The following SS18 variants were observed in gnomAD, a reference collection of about 807,000 sequenced individuals.
The protein encoded by SS18 is SS18 subunit of BAF chromatin remodeling complex, also known as protein SSXT.
SS18 carries 28 observed loss-of-function variants against 72.5 expected under a neutral mutation model. The ratio of observed to expected loss-of-function variants is 0.39; its 90% CI spans 0.29 to 0.53. The LOEUF is 0.53. Ranked by LOEUF, SS18 falls within the 20% of genes least tolerant of loss-of-function variation. The pLI is 0.76. For synonymous variants in SS18, 172 were observed against 164.2 expected (o/e 1.05, Z -0.37); for missense variants, 518 against 535.3 (o/e 0.97, Z 0.32).
chr18:26,066,333 T>C (rs1168705330), intron 3 of SS18, among the ~76,000 whole-genome samples: 2 of 152,130 alleles, frequency 1.3e-5, no homozygotes, highest in African/African-American at 4.8e-5. Flanking sequence ...GGCAGTATCA[T>C]TCTGCCAACT....
chr18:26,034,219 T>A (rs2053590207), intron 9 of SS18, among the ~76,000 whole-genome samples: 1 of 152,156 alleles, frequency 6.6e-6, no homozygotes, highest in African/African-American at 2.4e-5. Context: ...AGAGCTTAAG[T>A]CAATGAATAA....
intron 10 of SS18, among the ~76,000 whole-genome samples, chr18:26,029,203 G>A (rs1353915667): frequency 6.6e-6 from 1 of 152,168 alleles, no homozygotes; most frequent in Non-Finnish European, 1.5e-5. Flanking sequence ...GGCAGCGAGT[G>A]GTTGGGATAT....
chr18:26,023,901 A>G (rs181561581), intron 10 of SS18, among the ~76,000 whole-genome samples: 15 of 150,664 alleles, frequency 1.0e-4, no homozygotes, highest in Admixed American at 5.9e-4. Context: ...AATAAATTCA[A>G]TACACTGTGG....
At chr18:26,046,504 C>T (rs1404172713) in intron 5 of SS18, among the ~76,000 whole-genome samples, 1 of 152,126 alleles carries the variant, frequency 6.6e-6, no homozygotes, top group African/African-American at 2.4e-5. Flanking sequence ...ACATTTTCAT[C>T]CTTTTCATCA....
At chr18:26,077,052 T>C (rs1461101020) in intron 3 of SS18, among the ~76,000 whole-genome samples, 3 of 151,920 alleles carry the variant, frequency 2.0e-5, no homozygotes, top group Non-Finnish European at 4.4e-5. Flanking sequence ...GCAAGAGGGA[T>C]TATAGAATTA....
chr18:26,080,242 A>T, intron 2 of SS18: 1 of 538,894 alleles, frequency 1.9e-6, no homozygotes, highest in Non-Finnish European at 2.4e-6. Context: ...CTTAAAATAT[A>T]GTGTTCCATA....
intron 5 of SS18, among the ~76,000 whole-genome samples, chr18:26,040,667 A>G (rs915564813): frequency 1.3e-5 from 2 of 152,182 alleles, no homozygotes; most frequent in East Asian, 3.8e-4. Context: ...AAGACTTCAC[A>G]TTTCCAATCA....
chr18:26,063,045 C>A (rs2054151340), intron 3 of SS18, among the ~76,000 whole-genome samples: 1 of 152,154 alleles, frequency 6.6e-6, no homozygotes, highest in African/African-American at 2.4e-5. Context: ...TTTACAGAAT[C>A]CAATAACTGT....
chr18:26,040,196 T>C (rs1022893691), intron 5 of SS18, among the ~76,000 whole-genome samples: 4 of 151,530 alleles, frequency 2.6e-5, no homozygotes, highest in Non-Finnish European at 5.9e-5. Context: ...AACTACAGAG[T>C]TTCCAAAGTG....
At position 26,016,846 on chromosome 18, in the gene SS18, A is replaced by G. The variant is rs1209478825; in HGVS notation, c.*1508T>C. The G allele has an allele frequency of 4.3e-6, 1 of 231,610 alleles. No individual in the cohort carries two copies. The highest frequency in any genetic ancestry group is 8.6e-6 in the Non-Finnish European group (1 of 116,756). The allele number at this position is 231,610 out of a possible 1,614,324, so 14.3% of individuals were successfully genotyped here. A position where few individuals can be genotyped will look rare whatever the true frequency, so the allele number is the denominator to read the frequency against. On this transcript the variant is annotated 3_prime_UTR_variant, in exon 11 of 11. Coordinates refer to ENST00000415083, the MANE Select transcript of SS18 (RefSeq NM_001007559.3). ...CCCACTGAAATTCCTCCTTTTGATT[A>G]CAGTATGTTGAGAACAGTATGTTCT...
intron 10 of SS18, among the ~76,000 whole-genome samples, chr18:26,023,953 C>T (rs1326951880): frequency 1.1e-4 from 17 of 151,752 alleles, no homozygotes; most frequent in Admixed American, 1.1e-3. Context: ...AACAATAACA[C>T]AAAGAGAAGA....
intron 7 of SS18, among the ~76,000 whole-genome samples, chr18:26,036,977 A>G (rs1231901720): frequency 1.3e-5 from 2 of 152,168 alleles, no homozygotes; most frequent in Non-Finnish European, 1.5e-5. Flanking sequence ...CACAAAGACT[A>G]AAGTATTTAT....
rs115330039 is a variant in SS18, at chr18:26,038,622, G to A, written c.813C>T (p.Tyr271=). The A allele has an allele frequency of 1.1e-4, 183 of 1,613,462 alleles. No individual in the cohort carries two copies. In the African/African-American group the frequency reaches 2.1e-3, roughly 19 times the overall value. ...GTCCACCATGACTGTATTGGTCCCC[G>A]TAATAGTCTTCCTGGCCTGAGTACT... ...PQQYSGQEDY[Y]GDQYSHGGQG... Residue 271 remains tyrosine, a synonymous_variant, in exon 7 of 11, where the codon TAC becomes TAT. Coordinates refer to ENST00000415083, the MANE Select transcript of SS18 (RefSeq NM_001007559.3).
chr18:26,032,469 T>A lies in SS18; in HGVS notation c.1160A>T (p.Tyr387Phe). ...PNYPQGQGQQ[Y>F]GGYRPTQPGP... The stretch of plus-strand genomic sequence containing the variant: ...AGGCTGTGTTGGTCTATATCCTCCA[T>A]ACTGCTGACCTTGTCCCTGTGGGTA... The change falls in exon 10 of 11, where the codon TAT becomes TTT. Residue 387 changes from tyrosine (Y) to phenylalanine (F), a missense_variant. Coordinates refer to ENST00000415083, the MANE Select transcript of SS18 (RefSeq NM_001007559.3). 6.2e-7 allele frequency: 1 copy of A among 1,613,924 alleles called. No individual in the cohort carries two copies. The highest frequency in any genetic ancestry group is 1.7e-4 in the Middle Eastern group (1 of 6,056).
rs372840557 is a variant in SS18, at chr18:26,045,538, C to G, written c.608-6082G>C. Among the ~76,000 whole-genome samples, 183 of 152,266 alleles carry G rather than the reference C, an allele frequency of 1.2e-3. 3 individuals carry two copies. The South Asian group carries it at 0.037, about 31-fold the overall frequency. On this transcript the variant is annotated intron_variant, in intron 5 of 10. Coordinates refer to ENST00000415083, the MANE Select transcript of SS18 (RefSeq NM_001007559.3). ...TATTTTTCTTTTTCCTTTTACTTTG[C>G]ATATTTCTCTTCATAACACATATCA... is the stretch of plus-strand genomic sequence containing the variant.
intron 1 of SS18, chr18:26,089,662 A>G (rs975115843): frequency 2.6e-5 from 4 of 152,228 alleles, no homozygotes; most frequent in Non-Finnish European, 5.9e-5. Flanking sequence ...GACAATAAAG[A>G]ACCTTTGTGT....
At chr18:26,087,892 T>C (rs757352762) in intron 1 of SS18, among the ~76,000 whole-genome samples, 1 of 152,222 alleles carries the variant, frequency 6.6e-6, no homozygotes, top group Non-Finnish European at 1.5e-5. Flanking sequence ...AGCAGCTCTC[T>C]TGCATAAAAT....
chr18:26,052,450 T>C (rs1211413554), intron 5 of SS18, among the ~76,000 whole-genome samples, 174 bp downstream of exon 5: 4 of 152,238 alleles, frequency 2.6e-5, no homozygotes, highest in Admixed American at 6.5e-5. Flanking sequence ...AAAAGCTACA[T>C]TGAGCAAAGA....
chr18:26,051,282 C>T (rs1467669077), intron 5 of SS18, among the ~76,000 whole-genome samples: 1 of 152,210 alleles, frequency 6.6e-6, no homozygotes, highest in Admixed American at 6.5e-5. Flanking sequence ...AAGACCTACA[C>T]ATACTTACAA....
Sources: allele counts gnomAD v4.1 joint callset (sites outside exome capture counted in the v4.1 genomes callset), GRCh38; gene constraint gnomAD v4.1.1; transcripts MANE v1.5; gene names NCBI Gene and HGNC (gene_info 2026-07-23, HGNC 2026-07-21).